The following ADK variants were observed in gnomAD, a reference collection of about 807,000 sequenced individuals.
ADK encodes N6,N6-dimethyladenosine kinase.
Under a neutral mutation model 44.7 loss-of-function variants are expected in ADK, and 24 were observed. The ratio of observed to expected loss-of-function variants is 0.54; its 90% CI spans 0.39 to 0.76. ADK has a LOEUF of 0.76. ADK is among the 30% of genes least tolerant of loss of function. The pLI is 0.00. For synonymous variants in ADK, 128 were observed against 142.6 expected (o/e 0.90, Z 0.73); for missense variants, 321 against 425.1 (o/e 0.76, Z 2.15).
chr10:74,660,725 G>C (rs1415161878), intron 9 of ADK, among the ~76,000 whole-genome samples: 8 of 76,300 alleles, frequency 1.0e-4, no homozygotes, highest in South Asian at 1.1e-3. Context: ...GTGAGACCCT[G>C]TCTCAAAAAA....
intron 9 of ADK, among the ~76,000 whole-genome samples, chr10:74,653,541 G>T (rs113640548): frequency 6.6e-6 from 1 of 151,930 alleles, no homozygotes; most frequent in African/African-American, 2.4e-5. Context: ...GCTTCTATTC[G>T]TAAAGAATGG....
At chr10:74,534,043 G>T (rs971847178) in intron 7 of ADK, among the ~76,000 whole-genome samples, 1 of 152,194 alleles carries the variant, frequency 6.6e-6, no homozygotes, top group Non-Finnish European at 1.5e-5. Context: ...CATTCTATAT[G>T]ATTCTATTTA....
chr10:74,697,576 T>C (rs1262214152), intron 10 of ADK, among the ~76,000 whole-genome samples: 1 of 152,124 alleles, frequency 6.6e-6, no homozygotes. Flanking sequence ...GTCTACTGGG[T>C]TTTAGGTTCC....
chr10:74,459,785 G>C (rs1846101629), intron 6 of ADK, among the ~76,000 whole-genome samples: 1 of 148,956 alleles, frequency 6.7e-6, no homozygotes, highest in Non-Finnish European at 1.5e-5. Context: ...CAGGCTCTCT[G>C]TAGTCAAAAG....
At chr10:74,491,832 G>A (rs546585366) in intron 6 of ADK, among the ~76,000 whole-genome samples, 17 of 152,098 alleles carry the variant, frequency 1.1e-4, no homozygotes, top group Non-Finnish European at 2.2e-4. Flanking sequence ...ACTATAAATG[G>A]TAGTGTTATT....
intron 7 of ADK, chr10:74,527,489 T>C (rs78481091): frequency 0.012 from 7,177 of 581,434 alleles, 431 homozygotes; most frequent in African/African-American, 0.12. Flanking sequence ...CAAATGATCT[T>C]AATTAAGGAG....
At position 74,510,861 on chromosome 10, in the gene ADK, C is replaced by A. The variant is rs1190062992; in HGVS notation, c.556-14395C>A. 2.0e-5 allele frequency among the ~76,000 whole-genome samples: 3 copies of A among 152,106 alleles called. No individual in the cohort carries two copies. In the East Asian group the frequency reaches 5.8e-4, roughly 29 times the overall value. On this transcript the variant is annotated intron_variant, in intron 6 of 10. Coordinates refer to ENST00000539909, the MANE Select transcript of ADK (RefSeq NM_006721.4). Reference sequence around the variant, plus strand: ...TAGCTGGGACTACAAGCATATGCCACCATGCCTGGCTAATTTTTATATTTT... The same window carrying A: ...TAGCTGGGACTACAAGCATATGCCAACATGCCTGGCTAATTTTTATATTTT...
At chr10:74,655,089 G>T in intron 9 of ADK, 2 of 266,896 alleles carry the variant, frequency 7.5e-6, no homozygotes, top group South Asian at 4.7e-5. Context: ...CATCCGCTCT[G>T]GGAACCTTAC....
intron 3 of ADK, among the ~76,000 whole-genome samples, chr10:74,273,567 C>T (rs1846529166): frequency 2.0e-5 from 3 of 152,038 alleles, no homozygotes; most frequent in South Asian, 4.1e-4. Context: ...AAGCAATTCT[C>T]CTGCCTTGGT....
intron 10 of ADK, among the ~76,000 whole-genome samples, chr10:74,686,345 A>G (rs1855788230): frequency 6.6e-6 from 1 of 152,154 alleles, no homozygotes; most frequent in Admixed American, 6.5e-5. Context: ...CTAAAATTCT[A>G]GCATTGTCAA....
intron 2 of ADK, among the ~76,000 whole-genome samples, chr10:74,202,823 G>T (rs1007474529): frequency 6.6e-6 from 1 of 152,064 alleles, no homozygotes; most frequent in Non-Finnish European, 1.5e-5. Context: ...TTGTTAAGTT[G>T]TAAAAGTTCT....
chr10:74,258,590 G>A (rs957189735), intron 3 of ADK, among the ~76,000 whole-genome samples: 6 of 151,950 alleles, frequency 3.9e-5, no homozygotes, highest in Non-Finnish European at 7.4e-5. Flanking sequence ...ATCAGTTTTA[G>A]ACTTAATACA....
intron 4 of ADK, among the ~76,000 whole-genome samples, chr10:74,340,966 C>T (rs1841563361): frequency 6.6e-6 from 1 of 152,090 alleles, no homozygotes; most frequent in Non-Finnish European, 1.5e-5. Context: ...GAAAATACTT[C>T]TTAATGATTT....
At chr10:74,246,401 T>C (rs1845416210) in intron 3 of ADK, among the ~76,000 whole-genome samples, 1 of 152,198 alleles carries the variant, frequency 6.6e-6, no homozygotes, top group African/African-American at 2.4e-5. Flanking sequence ...TTCCATAAAG[T>C]AGAGTGTGTG....
intron 7 of ADK, among the ~76,000 whole-genome samples, chr10:74,571,255 T>A (rs1850946760): frequency 1.3e-5 from 2 of 152,248 alleles, no homozygotes; most frequent in African/African-American, 4.8e-5. Context: ...TTCTCTTTTT[T>A]TGTTGTGTCT....
intron 7 of ADK, among the ~76,000 whole-genome samples, chr10:74,568,704 A>G (rs1850795292): frequency 6.6e-6 from 1 of 151,482 alleles, no homozygotes; most frequent in South Asian, 2.1e-4. Flanking sequence ...TGAATACAGA[A>G]TTATTTTATT....
intron 4 of ADK, among the ~76,000 whole-genome samples, chr10:74,339,054 G>C (rs1841500762): frequency 6.6e-6 from 1 of 152,162 alleles, no homozygotes; most frequent in Admixed American, 6.5e-5. Flanking sequence ...CTGGGCTCAA[G>C]GGATTCTCCT....
In ADK at chr10:74,182,348, T is replaced by TTTTATTTATTTATTTATTTA. The variant is rs370735383; in HGVS notation, c.66-18400_66-18381dup. 8.2e-3 allele frequency among the ~76,000 whole-genome samples: 1,199 copies of TTTTATTTATTTATTTATTTA among 145,710 alleles called. 11 individuals carry two copies. Among genetic ancestry groups the TTTTATTTATTTATTTATTTA allele is most frequent in the African/African-American group, 0.017 (662 of 39,800 alleles). ...TTTTGAAGAAGTAAAACAGAAATCTTTTTATTTATTTATTTATTTATTTAT... is the reference window on the plus strand; with the variant it reads ...TTTTGAAGAAGTAAAACAGAAATCTTTTTATTTATTTATTTATTTATTTATTTATTTATTTATTTATTTAT... On this transcript the variant is annotated intron_variant, in intron 1 of 10. Coordinates refer to ENST00000539909, the MANE Select transcript of ADK (RefSeq NM_006721.4).
chr10:74,566,169 G>T (rs1850659765), intron 7 of ADK, among the ~76,000 whole-genome samples: 1 of 147,826 alleles, frequency 6.8e-6, no homozygotes, highest in Non-Finnish European at 1.5e-5. Flanking sequence ...CTTCACATCT[G>T]GCCTCTTCAT....
Sources: allele counts gnomAD v4.1 joint callset (sites outside exome capture counted in the v4.1 genomes callset), GRCh38; gene constraint gnomAD v4.1.1; transcripts MANE v1.5; gene names NCBI Gene and HGNC (gene_info 2026-07-23, HGNC 2026-07-21).